The following SSH2 variants were observed in gnomAD, a reference collection of about 807,000 sequenced individuals.
SSH2 encodes slingshot protein phosphatase 2.
In SSH2, 37 loss-of-function variants were observed where a neutral mutation model predicts 135.2. That is an observed-to-expected ratio of 0.27 (90% CI 0.21 to 0.36). The LOEUF is 0.36. Ranked by LOEUF, SSH2 falls within the 10% of genes least tolerant of loss-of-function variation. The pLI, the probability that SSH2 is intolerant of heterozygous loss-of-function variation, is 1.00. For missense variants in SSH2, 1,408 were observed against 1,765.3 expected (o/e 0.80, Z 3.63); for synonymous variants, 628 against 646.2 (o/e 0.97, Z 0.43).
intron 2 of SSH2, among the ~76,000 whole-genome samples, chr17:29,806,829 G>T (rs1445784760): frequency 1.3e-5 from 2 of 152,068 alleles, no homozygotes; most frequent in Non-Finnish European, 2.9e-5. Flanking sequence ...CTTCACCTGG[G>T]GGATCCTACC....
At chr17:29,798,149 C>T (rs908734600) in intron 2 of SSH2, among the ~76,000 whole-genome samples, 1 of 152,084 alleles carries the variant, frequency 6.6e-6, no homozygotes, top group Non-Finnish European at 1.5e-5. Context: ...TTTGCCTACC[C>T]TCTAGTCATG....
intron 3 of SSH2, among the ~76,000 whole-genome samples, chr17:29,710,448 A>G (rs187521921): frequency 2.6e-4 from 40 of 152,378 alleles, no homozygotes; most frequent in African/African-American, 9.1e-4. Context: ...AGTACCACAC[A>G]TAATCTGAAC....
intron 1 of SSH2, among the ~76,000 whole-genome samples, chr17:29,893,855 G>T (rs574737232): frequency 6.6e-6 from 1 of 152,122 alleles, no homozygotes; most frequent in Non-Finnish European, 1.5e-5. Flanking sequence ...CCCTTTTAAA[G>T]AACTATCTTA....
At chr17:29,844,782 T>C (rs2043103401) in intron 2 of SSH2, among the ~76,000 whole-genome samples, 1 of 152,152 alleles carries the variant, frequency 6.6e-6, no homozygotes, top group East Asian at 1.9e-4. Flanking sequence ...CTGAGTGGGA[T>C]CAGAAAAGGG....
At chr17:29,800,551 A>T (rs2042231942) in intron 2 of SSH2, among the ~76,000 whole-genome samples, 1 of 152,184 alleles carries the variant, frequency 6.6e-6, no homozygotes, top group Non-Finnish European at 1.5e-5. Context: ...ACCAGGAGAA[A>T]AGTGTAGAGA....
intron 14 of SSH2, among the ~76,000 whole-genome samples, chr17:29,640,262 G>C (rs1399761853): frequency 1.3e-5 from 2 of 152,060 alleles, no homozygotes; most frequent in East Asian, 3.9e-4. Context: ...ATTTTTAGTA[G>C]AGACGGGGTT....
Position 29,672,110 on chromosome 17 carries a change from G to A in SSH2, c.634C>T (p.His212Tyr). 6.2e-7 allele frequency: 1 copy of A among 1,613,922 alleles called. No homozygotes were observed. Among genetic ancestry groups the A allele is most frequent in the Non-Finnish European group, 8.5e-7 (1 of 1,179,910 alleles). Residue 212 changes from histidine (H) to tyrosine (Y), a missense_variant, in exon 9 of 16, where the codon CAC (histidine) becomes TAC (tyrosine). Physicochemically the swap from His to Tyr is moderately conservative, Grantham distance 83. Coordinates refer to ENST00000540801, the MANE Select transcript of SSH2 (RefSeq NM_001282129.2). ...QAMWSALQSL[H>Y]KACEVARAHN... ...GCTCTGGCGACTTCACAAGCCTTGT[G>A]TAAGCTCTGTAGTGCAGACCTGAAA...
intron 15 of SSH2, among the ~76,000 whole-genome samples, chr17:29,635,707 C>T (rs1387434762): frequency 6.6e-6 from 1 of 152,210 alleles, no homozygotes; most frequent in African/African-American, 2.4e-5. Context: ...CGCGCCTGGT[C>T]ATCTTTGGAC....
In SSH2 at chr17:29,783,102, T is replaced by C. The variant is rs560138327; in HGVS notation, c.188+10792A>G. On this transcript the variant is annotated intron_variant, in intron 3 of 15. Coordinates refer to ENST00000540801, the MANE Select transcript of SSH2 (RefSeq NM_001282129.2). ...GAGTGCTGATTGGTTGGCTCAGAGA[T>C]AAAATCACAGGGAGTTGAAGCTGTT... 4.6e-5 allele frequency among the ~76,000 whole-genome samples: 7 copies of C among 152,020 alleles called. No individual in the cohort carries two copies. The South Asian group carries it at 1.2e-3, about 27-fold the overall frequency.
chr17:29,909,116 G>T (rs1451748418), intron 1 of SSH2, among the ~76,000 whole-genome samples: 1 of 152,022 alleles, frequency 6.6e-6, no homozygotes, highest in Non-Finnish European at 1.5e-5. Flanking sequence ...TAGCTTTAAA[G>T]GATTTATTAT....
chr17:29,879,011 A>G (rs144863252), intron 1 of SSH2, among the ~76,000 whole-genome samples: 74 of 152,294 alleles, frequency 4.9e-4, no homozygotes, highest in Middle Eastern at 3.4e-3. Flanking sequence ...AAACTGCACA[A>G]ATTGGTGGCT....
At chr17:29,924,985 G>A (rs2067038992) in intron 1 of SSH2, among the ~76,000 whole-genome samples, 1 of 152,092 alleles carries the variant, frequency 6.6e-6, no homozygotes. Context: ...AACAGAAACC[G>A]CATATGCTGT....
chr17:29,671,440 C>T (rs1201513883), intron 9 of SSH2, among the ~76,000 whole-genome samples: 2 of 152,006 alleles, frequency 1.3e-5, no homozygotes, highest in Non-Finnish European at 2.9e-5. Flanking sequence ...TATGATTGTG[C>T]CACTGCACTC....
chr17:29,733,052 A>G (rs2040250662), intron 3 of SSH2, among the ~76,000 whole-genome samples: 1 of 152,224 alleles, frequency 6.6e-6, no homozygotes, highest in African/African-American at 2.4e-5. Context: ...CAACCTGGGA[A>G]TCATCATTGT....
chr17:29,848,930 CTGTA>C lies in SSH2; in HGVS notation c.64-5_64-2del. The C allele has an allele frequency of 4.6e-6, 7 of 1,530,858 alleles. No homozygotes were observed. Among genetic ancestry groups the C allele is most frequent in the Non-Finnish European group, 6.1e-6 (7 of 1,142,822 alleles). The allele number at this position is 1,530,858 out of a possible 1,614,324, so 94.8% of individuals were successfully genotyped here. ...ATTCACTGTCTTCCAAATGAGAGCTCTGTAATACAAACAAGATCATTTCAGAGAT... is the reference window on the plus strand; with the variant it reads ...ATTCACTGTCTTCCAAATGAGAGCTCATACAAACAAGATCATTTCAGAGAT... On this transcript the variant is annotated splice_acceptor_variant and splice_polypyrimidine_tract_variant and intron_variant, in intron 1 of 15. Coordinates refer to ENST00000540801, the MANE Select transcript of SSH2 (RefSeq NM_001282129.2). LOFTEE classifies it high-confidence loss of function.
rs1224443093 is a variant in SSH2, at chr17:29,803,461, C to G, written c.145-9524G>C. Among the ~76,000 whole-genome samples, 13 of 152,124 alleles carry G rather than the reference C, an allele frequency of 8.5e-5. No individual in the cohort carries two copies. The East Asian group carries it at 2.5e-3, about 29-fold the overall frequency. On this transcript the variant is annotated intron_variant, in intron 2 of 15. Transcript: ENST00000540801. Reference sequence around the variant, plus strand: ...TTGGGCTTCCTCAAAGCATGGTATCCTCAGGGTTGGTCTTCTTGAATAATG... The same window carrying G: ...TTGGGCTTCCTCAAAGCATGGTATCGTCAGGGTTGGTCTTCTTGAATAATG...
intron 3 of SSH2, among the ~76,000 whole-genome samples, chr17:29,709,650 C>T (rs545958923): frequency 6.6e-6 from 1 of 152,160 alleles, no homozygotes; most frequent in East Asian, 1.9e-4. Context: ...GCACTCCAGC[C>T]TGGGAAACAG....
Position 29,659,004 on chromosome 17 carries a change from T to C in SSH2, c.1033-3397A>G, listed in dbSNP as rs561206419. 2.4e-4 allele frequency among the ~76,000 whole-genome samples: 37 copies of C among 152,280 alleles called. 1 individual carries two copies. The highest frequency in any genetic ancestry group is 8.9e-4 in the African/African-American group (37 of 41,564). On this transcript the variant is annotated intron_variant, in intron 11 of 15. Transcript: ENST00000540801. ...AAAAATATAAGCAAACATATGCTTATTGCTACTTCTTACTCATATTACCAA... is the reference window on the plus strand; with the variant it reads ...AAAAATATAAGCAAACATATGCTTACTGCTACTTCTTACTCATATTACCAA...
chr17:29,654,935 A>G (rs2151008778), intron 12 of SSH2, among the ~76,000 whole-genome samples: 1 of 152,298 alleles, frequency 6.6e-6, no homozygotes, highest in East Asian at 1.9e-4. Flanking sequence ...ATGTTGAATG[A>G]ACAGCTCTGT....
Sources: gnomAD v4.1 joint callset for allele counts (sites outside exome capture counted in the v4.1 genomes callset) on GRCh38, gnomAD v4.1.1 for gene constraint, MANE v1.5 for transcripts, NCBI Gene and HGNC (gene_info 2026-07-23, HGNC 2026-07-21) for gene names.